Variants in GRIA4 observed in about 807,000 individuals in gnomAD.
GRIA4 encodes glutamate ionotropic receptor AMPA type subunit 4.
In GRIA4, 34 loss-of-function variants were observed where a neutral mutation model predicts 104.0. The ratio of observed to expected loss-of-function variants is 0.33; its 90% CI spans 0.25 to 0.44. The LOEUF is 0.44. GRIA4 is among the 20% of genes least tolerant of loss of function. GRIA4 has a pLI of 1.00. For missense variants in GRIA4, 750 were observed against 1,096.5 expected (o/e 0.68, Z 4.46); for synonymous variants, 386 against 381.9 (o/e 1.01, Z -0.13).
chr11:105,720,562 T>C lies in GRIA4; in HGVS notation c.248-32419T>C, dbSNP rs144646967. On this transcript the variant is annotated intron_variant, in intron 3 of 16. Coordinates refer to ENST00000282499, the MANE Select transcript of GRIA4 (RefSeq NM_000829.4). ...CTAAAAAGCGCAATTTATGATGCCA[T>C]TAAGGACCAACCAGTGTAAGAAAGG... is the stretch of plus-strand genomic sequence containing the variant. Among the ~76,000 whole-genome samples the C allele has an allele frequency of 2.1e-3, 316 of 152,328 alleles. 2 individuals carry two copies. The highest frequency in any genetic ancestry group is 7.3e-3 in the African/African-American group (303 of 41,584).
chr11:105,886,551 T>A (rs928187011), intron 5 of GRIA4, among the ~76,000 whole-genome samples: 6 of 142,340 alleles, frequency 4.2e-5, no homozygotes, highest in Non-Finnish European at 6.2e-5. Context: ...CCATCATACA[T>A]TCTGATTTTA....
chr11:105,873,639 T>C (rs1231695567), intron 5 of GRIA4, among the ~76,000 whole-genome samples: 12 of 152,184 alleles, frequency 7.9e-5, no homozygotes, highest in Admixed American at 4.6e-4. Flanking sequence ...TGGTATCTCA[T>C]TGTGGTTTTG....
intron 1 of GRIA4, 116 bp from the exon 2 acceptor site, chr11:105,610,792 T>C (rs1414074263): frequency 1.9e-6 from 1 of 524,614 alleles, no homozygotes; most frequent in Non-Finnish European, 3.4e-6. Context: ...CGGCTCGCGA[T>C]GGATTGCTAA....
intron 3 of GRIA4, among the ~76,000 whole-genome samples, chr11:105,633,291 T>C (rs1951085615): frequency 1.3e-5 from 2 of 152,224 alleles, no homozygotes; most frequent in South Asian, 4.1e-4. Flanking sequence ...TCTTAGAAGA[T>C]TTATACATAT....
At chr11:105,869,350 C>T (rs1466394562) in intron 5 of GRIA4, among the ~76,000 whole-genome samples, 1 of 152,066 alleles carries the variant, frequency 6.6e-6, no homozygotes, top group Non-Finnish European at 1.5e-5. Context: ...TTGACAGAAA[C>T]ATCCAAAACT....
At chr11:105,837,564 C>T (rs1044624544) in intron 4 of GRIA4, among the ~76,000 whole-genome samples, 3 of 151,936 alleles carry the variant, frequency 2.0e-5, no homozygotes, top group African/African-American at 7.3e-5. Flanking sequence ...AACAATAAGG[C>T]CAACTGCTGA....
chr11:105,633,487 C>T (rs559252955), intron 3 of GRIA4, among the ~76,000 whole-genome samples: 2 of 152,066 alleles, frequency 1.3e-5, no homozygotes, highest in Non-Finnish European at 2.9e-5. Context: ...GTACTAAACC[C>T]TTAGTAAATA....
chr11:105,644,799 T>G (rs1472585270), intron 3 of GRIA4, among the ~76,000 whole-genome samples: 1 of 152,154 alleles, frequency 6.6e-6, no homozygotes, highest in African/African-American at 2.4e-5. Context: ...CATCACAATA[T>G]GTAATTTTAA....
intron 4 of GRIA4, among the ~76,000 whole-genome samples, chr11:105,763,875 C>T (rs1179762462): frequency 6.6e-6 from 1 of 152,184 alleles, no homozygotes; most frequent in Non-Finnish European, 1.5e-5. Flanking sequence ...TATTCTCTGT[C>T]ACTTCATTGG....
At chr11:105,953,326 A>G (rs1019406647) in intron 14 of GRIA4, among the ~76,000 whole-genome samples, 2 of 152,212 alleles carry the variant, frequency 1.3e-5, no homozygotes, top group African/African-American at 4.8e-5. Flanking sequence ...TTGACTTTAC[A>G]CAGAGTTCTG....
chr11:105,800,607 A>G (rs1056538890), intron 4 of GRIA4, among the ~76,000 whole-genome samples: 6 of 152,102 alleles, frequency 3.9e-5, no homozygotes, highest in Admixed American at 3.9e-4. Context: ...AAATTCAGAC[A>G]TGACTAATCA....
At chr11:105,695,478 C>G (rs5007612) in intron 3 of GRIA4, among the ~76,000 whole-genome samples, 33 of 135,246 alleles carry the variant, frequency 2.4e-4, no homozygotes, top group South Asian at 7.6e-4. Flanking sequence ...GTGTGTGTGT[C>G]TGTGTGTGTG....
At chr11:105,834,914 A>C (rs1287048189) in intron 4 of GRIA4, among the ~76,000 whole-genome samples, 45 of 151,964 alleles carry the variant, frequency 3.0e-4, no homozygotes, top group Admixed American at 3.0e-3. Context: ...CACCCTAGTA[A>C]ATATAGTTCA....
intron 10 of GRIA4, among the ~76,000 whole-genome samples, chr11:105,916,858 G>C (rs1947420972): frequency 6.6e-6 from 1 of 152,086 alleles, no homozygotes; most frequent in African/African-American, 2.4e-5. Context: ...CTTACAGATA[G>C]TAGTTGTACA....
At chr11:105,682,892 G>T (rs1952755822) in intron 3 of GRIA4, among the ~76,000 whole-genome samples, 1 of 152,074 alleles carries the variant, frequency 6.6e-6, no homozygotes, top group African/African-American at 2.4e-5. Context: ...CTCCTGGTGT[G>T]AGCAATGACA....
intron 3 of GRIA4, among the ~76,000 whole-genome samples, chr11:105,656,916 A>C (rs1021970429): frequency 2.0e-5 from 3 of 152,098 alleles, no homozygotes; most frequent in African/African-American, 7.2e-5. Context: ...TATTAATTCA[A>C]TAATGAACCA....
At chr11:105,820,665 A>G (rs966206140) in intron 4 of GRIA4, among the ~76,000 whole-genome samples, 6 of 151,650 alleles carry the variant, frequency 4.0e-5, no homozygotes, top group Admixed American at 6.6e-5. Flanking sequence ...ATTTCCATTG[A>G]TCTCTAATTA....
chr11:105,893,426 TATATGTAAGAAA>T (rs1210733152), intron 6 of GRIA4, among the ~76,000 whole-genome samples: 2 of 152,046 alleles, frequency 1.3e-5, no homozygotes, highest in African/African-American at 2.4e-5. Flanking sequence ...TGAAAGAAAA[TATATGTAAGAAA>T]ATATGTATGA....
At chr11:105,821,495 G>T (rs959374815) in intron 4 of GRIA4, among the ~76,000 whole-genome samples, 1 of 152,000 alleles carries the variant, frequency 6.6e-6, no homozygotes, top group Admixed American at 6.6e-5. Context: ...ACGGTGGAAG[G>T]CAAAGGGAGA....
Sources: gnomAD v4.1 joint callset for allele counts (sites outside exome capture counted in the v4.1 genomes callset) on GRCh38, gnomAD v4.1.1 for gene constraint, MANE v1.5 for transcripts, NCBI Gene and HGNC (gene_info 2026-07-23, HGNC 2026-07-21) for gene names.